GFM2: variants seen among roughly 807,000 people sequenced by gnomAD.
GFM2 encodes ribosome-releasing factor 2, mitochondrial.
GFM2 carries 72 observed loss-of-function variants against 95.4 expected under a neutral mutation model. The ratio of observed to expected loss-of-function variants is 0.76; its 90% CI spans 0.62 to 0.92. GFM2 has a LOEUF of 0.92. Among genes scored for constraint, GFM2 ranks in the 40% least tolerant of loss-of-function variants. The pLI is 0.00. For missense variants in GFM2, 825 were observed against 924.1 expected (o/e 0.89, Z 1.39); for synonymous variants, 276 against 317.5 (o/e 0.87, Z 1.39).
At chr5:74,723,137 A>G (rs149012101) in intron 19 of GFM2, among the ~76,000 whole-genome samples, 4 of 152,338 alleles carry the variant, frequency 2.6e-5, no homozygotes, top group East Asian at 3.9e-4. Flanking sequence ...TGAATTCTGC[A>G]TATCTAACTA....
chr5:74,748,890 T>TAAAATAAATAAAATAAAATA (rs1554040867), intron 7 of GFM2, among the ~76,000 whole-genome samples: 1 of 76,810 alleles, frequency 1.3e-5, no homozygotes, highest in African/African-American at 4.3e-5. Context: ...TAAAATAAAA[T>TAAAATAAATAAAATAAAATA]AAATAAAATA....
chr5:74,740,164 T>C, intron 11 of GFM2, 27 bp from the exon 12 acceptor site: 1 of 1,581,416 alleles, frequency 6.3e-7, no homozygotes, highest in Non-Finnish European at 8.6e-7. Context: ...CAAATGAGCA[T>C]TTATTTTGTG....
At chr5:74,723,166 G>A (rs971043001) in intron 19 of GFM2, among the ~76,000 whole-genome samples, 4 of 152,134 alleles carry the variant, frequency 2.6e-5, no homozygotes, top group Admixed American at 6.5e-5. Flanking sequence ...CATGCTCACA[G>A]AACTGTTCTT....
intron 16 of GFM2, among the ~76,000 whole-genome samples, 160 bp downstream of exon 16, chr5:74,732,862 A>C (rs1466328785): frequency 6.6e-6 from 1 of 151,538 alleles, no homozygotes; most frequent in Admixed American, 6.6e-5. Context: ...TAAAAGCAGA[A>C]ATTTGTATTA....
intron 9 of GFM2, 24 bp from the exon 10 acceptor site, chr5:74,745,881 A>G: frequency 6.4e-7 from 1 of 1,570,216 alleles, no homozygotes. Flanking sequence ...TGAGATTAAC[A>G]TTATTACATG....
At chr5:74,749,045 T>C (rs1391489615) in intron 7 of GFM2, among the ~76,000 whole-genome samples, 1 of 151,714 alleles carries the variant, frequency 6.6e-6, no homozygotes, top group Admixed American at 6.6e-5. Context: ...GGTCTCACTC[T>C]GTTGCCCAGG....
At position 74,732,573 on chromosome 5, in the gene GFM2, A is replaced by C. The variant is rs535591682; in HGVS notation, c.1587+449T>G. Among the ~76,000 whole-genome samples the C allele has an allele frequency of 2.0e-5, 3 of 152,274 alleles. No individual in the cohort carries two copies. The East Asian group carries it at 5.8e-4, about 29-fold the overall frequency. On this transcript the variant is annotated intron_variant, in intron 16 of 20. Coordinates refer to ENST00000296805, the MANE Select transcript of GFM2 (RefSeq NM_032380.5). ...TACAGCACAGTTCTGCACCTACTTT[A>C]AAACTCCACTTCCTCTCACAGTGTT... is the stretch of plus-strand genomic sequence containing the variant.
Position 74,760,928 on chromosome 5 carries a change from A to G in GFM2, c.122T>C (p.Leu41Pro). The G allele has an allele frequency of 1.2e-6, 2 of 1,610,674 alleles. No individual in the cohort carries two copies. Among genetic ancestry groups the G allele is most frequent in the Non-Finnish European group, 1.7e-6 (2 of 1,177,208 alleles). ...SLKRLKPHVP[L>P]GRNCSSLPGL... The stretch of plus-strand genomic sequence containing the variant: ...TGGTAGAGAACTGCAATTTCTTCCA[A>G]GCGGCACATGTGGCTTTAATCTTTT... Residue 41 changes from leucine (L) to proline (P), a missense_variant, in exon 3 of 21, where the codon CTT (leucine) becomes CCT (proline). Transcript: ENST00000296805.
At position 74,743,856 on chromosome 5, in the gene GFM2, G is replaced by A. The variant is rs187572722; in HGVS notation, c.849+1822C>T. On this transcript the variant is annotated intron_variant, in intron 10 of 20. Transcript: ENST00000296805. ...TGTGTGACAACTTATTTAAGCATTT[G>A]AGCTGCTGTTTCCCCATCTGTAAAA... is the stretch of plus-strand genomic sequence containing the variant. Among the ~76,000 whole-genome samples, 266 of 152,298 alleles carry A rather than the reference G, an allele frequency of 1.7e-3. 4 individuals are homozygous for A. Among genetic ancestry groups the A allele is most frequent in the Admixed American group, 0.014 (209 of 15,304 alleles).
At position 74,729,211 on chromosome 5, in the gene GFM2, A is replaced by G. The variant is rs575521819; in HGVS notation, c.1726+1049T>C. ...CACACTGGTTCTATGAACTTAGGCT[A>G]AAGACCTGTATCAGAAGCCTATGAT... is the stretch of plus-strand genomic sequence containing the variant. On this transcript the variant is annotated intron_variant, in intron 17 of 20. Coordinates refer to ENST00000296805, the MANE Select transcript of GFM2 (RefSeq NM_032380.5). 5.3e-5 allele frequency among the ~76,000 whole-genome samples: 8 copies of G among 152,322 alleles called. No homozygotes were observed. In the East Asian group the frequency reaches 1.4e-3, roughly 26 times the overall value.
intron 2 of GFM2, among the ~76,000 whole-genome samples, chr5:74,762,637 T>G (rs1182640896): frequency 3.3e-5 from 5 of 152,202 alleles, no homozygotes; most frequent in African/African-American, 4.8e-5. Context: ...ATTGCCAGCA[T>G]CACTACTCTT....
intron 3 of GFM2, among the ~76,000 whole-genome samples, chr5:74,760,422 GA>G (rs1026494526): frequency 6.6e-6 from 1 of 152,106 alleles, no homozygotes; most frequent in African/African-American, 2.4e-5. Context: ...TTCAAACACA[GA>G]AAGGACATTC....
At chr5:74,737,100 TAAAAG>T (rs1018699085) in intron 14 of GFM2, 115 bp from the exon 15 acceptor site, 7 of 906,016 alleles carry the variant, frequency 7.7e-6, no homozygotes, top group South Asian at 3.5e-5. Flanking sequence ...CATCAGAACT[TAAAAG>T]AGAAATAAAA....
chr5:74,740,178 T>G, intron 11 of GFM2, 41 bp from the exon 12 acceptor site: 1 of 1,556,330 alleles, frequency 6.4e-7, no homozygotes, highest in Non-Finnish European at 8.7e-7. Context: ...TTTTGTGTAC[T>G]GGTCTTGGCG....
chr5:74,722,783 A>G (rs957007057), intron 19 of GFM2: 11 of 415,344 alleles, frequency 2.6e-5, no homozygotes, highest in African/African-American at 2.3e-4. Context: ...TTTATAAAAA[A>G]TGCCTGTGAA....
chr5:74,757,743 A>G (rs1744068411), intron 5 of GFM2, among the ~76,000 whole-genome samples: 2 of 150,800 alleles, frequency 1.3e-5, no homozygotes, highest in Non-Finnish European at 3.0e-5. Context: ...AAAAAAAAAA[A>G]AAAAAAAAAA....
chr5:74,731,912 CTT>C (rs754165810), intron 16 of GFM2, among the ~76,000 whole-genome samples: 11 of 132,586 alleles, frequency 8.3e-5, no homozygotes, highest in Admixed American at 1.5e-4. Flanking sequence ...GTATTATTTG[CTT>C]TTTTTTTTTT....
rs1236938137 is a variant in GFM2 at position 74,725,950 on chromosome 5, A to G, written c.1903T>C (p.Cys635Arg). The G allele has an allele frequency of 6.2e-7, 1 of 1,609,898 alleles. No individual in the cohort carries two copies. Among genetic ancestry groups the G allele is most frequent in the Admixed American group, 1.7e-5 (1 of 59,308 alleles). ...CATTTGAGTGTCTTACCTTGGAGAC[A>G]TGCGCTGTGAATTCCATTTTCAATG... Reference protein sequence around the residue: ...EAIENGIHSACLQGPLLGSPI... With the variant: ...EAIENGIHSARLQGPLLGSPI... The change falls in exon 18 of 21, where the codon TGT (cysteine) becomes CGT (arginine). Residue 635 changes from cysteine (C) to arginine (R), a missense_variant. Coordinates refer to ENST00000296805, the MANE Select transcript of GFM2 (RefSeq NM_032380.5).
At chr5:74,753,148 A>G (rs978351247) in intron 5 of GFM2, among the ~76,000 whole-genome samples, 7 of 152,244 alleles carry the variant, frequency 4.6e-5, no homozygotes, top group Admixed American at 4.6e-4. Flanking sequence ...ACCAACTTAA[A>G]AAAACTGTTT....
Sources: allele counts gnomAD v4.1 joint callset (sites outside exome capture counted in the v4.1 genomes callset), GRCh38; gene constraint gnomAD v4.1.1; transcripts MANE v1.5; gene names NCBI Gene and HGNC (gene_info 2026-07-23, HGNC 2026-07-21).